The following SAXO4 variants were observed in gnomAD, a reference collection of about 807,000 sequenced individuals.
SAXO4 encodes the protein stabilizer of axonemal microtubules 4, also known as protein phosphatase 1 regulatory subunit 32.
chr11:61,481,450 G>A, the SAXO4 span, among the ~76,000 whole-genome samples: 4 of 152,126 alleles, frequency 2.6e-5, no homozygotes, highest in African/African-American at 7.2e-5. Context: ...GTCAGGGGCC[G>A]AGTAGTCAAA....
chr11:61,485,281 A>T, the SAXO4 span: 2 of 1,523,552 alleles, frequency 1.3e-6, no homozygotes, highest in East Asian at 2.3e-5. Flanking sequence ...CCGCCGCCAC[A>T]CGCCTTCGGG....
the SAXO4 span, among the ~76,000 whole-genome samples, chr11:61,487,931 G>T: frequency 6.6e-6 from 1 of 152,170 alleles, no homozygotes; most frequent in Non-Finnish European, 1.5e-5. Flanking sequence ...CTGGGGCCAG[G>T]ACTGGGTGGG....
At chr11:61,486,672 T>C in the SAXO4 span, 57 of 1,485,234 alleles carry the variant, frequency 3.8e-5, no homozygotes, top group Non-Finnish European at 5.0e-5. Context: ...TGGGAAGAGG[T>C]GGCATTTGGG....
At chr11:61,482,442 G>A in the SAXO4 span, 1 of 1,607,046 alleles carries the variant, frequency 6.2e-7, no homozygotes, top group Non-Finnish European at 8.5e-7. Flanking sequence ...CGGTCTGTAT[G>A]GCCCCTTCCC....
the SAXO4 span, among the ~76,000 whole-genome samples, chr11:61,486,181 CCT>C: frequency 1.3e-5 from 2 of 152,214 alleles, no homozygotes; most frequent in Non-Finnish European, 2.9e-5. Flanking sequence ...CATGCCTTCC[CCT>C]GTCTTCTCCC....
chr11:61,484,688 G>C, the SAXO4 span: 1 of 1,613,376 alleles, frequency 6.2e-7, no homozygotes, highest in African/African-American at 1.3e-5. Flanking sequence ...TTCCTCCCAG[G>C]TCCGGAAGGT....
the SAXO4 span, chr11:61,489,995 C>T: frequency 4.9e-5 from 75 of 1,542,142 alleles, no homozygotes; most frequent in Admixed American, 1.1e-3. Context: ...TCATCCAGGC[C>T]GTGTGCCAGG....
chr11:61,487,261 C>G, the SAXO4 span: 4 of 1,597,256 alleles, frequency 2.5e-6, no homozygotes, highest in Non-Finnish European at 3.4e-6. Flanking sequence ...CTTCCTGGTC[C>G]AAAGCTGAAA....
chr11:61,482,889 G>A, the SAXO4 span: 3 of 1,431,330 alleles, frequency 2.1e-6, no homozygotes, highest in South Asian at 4.3e-5. Flanking sequence ...GTTGGTCAAG[G>A]TGGAGGTGAC....
the SAXO4 span, among the ~76,000 whole-genome samples, chr11:61,483,164 C>CTTTTTTTTT: frequency 5.0e-5 from 6 of 119,348 alleles, no homozygotes; most frequent in Admixed American, 1.9e-4. Context: ...ATTTCTTTTT[C>CTTTTTTTTT]TTTTTTTTTT....
chr11:61,486,628 C>T, the SAXO4 span: 22 of 1,611,298 alleles, frequency 1.4e-5, no homozygotes, highest in Non-Finnish European at 1.8e-5. Context: ...GCCTTGGCGT[C>T]TTGCTCAGAG....
chr11:61,486,595 G>C, the SAXO4 span: 1 of 1,614,146 alleles, frequency 6.2e-7, no homozygotes, highest in South Asian at 1.1e-5. Context: ...GGAATGAAAG[G>C]ATTCTGAACC....
chr11:61,490,039 C>A, the SAXO4 span: 1 of 1,278,360 alleles, frequency 7.8e-7, no homozygotes, highest in Non-Finnish European at 1.1e-6. Flanking sequence ...GCTGTCAGTC[C>A]GGTTCATTCC....
At chr11:61,483,695 C>T in the SAXO4 span, among the ~76,000 whole-genome samples, 3 of 152,090 alleles carry the variant, frequency 2.0e-5, no homozygotes, top group Admixed American at 1.3e-4. Context: ...CGATGGCTCA[C>T]ACCTGTAATC....
At chr11:61,482,285 C>G in the SAXO4 span, 2 of 1,603,830 alleles carry the variant, frequency 1.2e-6, no homozygotes, top group Non-Finnish European at 1.7e-6. Context: ...ACCTTGGGGT[C>G]TGTCTCCCCG....
the SAXO4 span, chr11:61,486,815 G>A: frequency 1.1e-6 from 1 of 910,340 alleles, no homozygotes; most frequent in Non-Finnish European, 1.8e-6. Context: ...AGAATTGGCT[G>A]GAAGGGGAAG....
chr11:61,486,772 G>T, the SAXO4 span, among the ~76,000 whole-genome samples: 5 of 152,168 alleles, frequency 3.3e-5, no homozygotes, highest in Non-Finnish European at 7.3e-5. Flanking sequence ...GGGCCTTCCT[G>T]GGGGCTGGAA....
the SAXO4 span, chr11:61,482,351 C>T: frequency 6.2e-6 from 10 of 1,614,056 alleles, no homozygotes; most frequent in Non-Finnish European, 8.5e-6. Context: ...GTCACGTAGG[C>T]ACCGGCTACA....
At chr11:61,483,959 G>A in the SAXO4 span, among the ~76,000 whole-genome samples, 1 of 151,686 alleles carries the variant, frequency 6.6e-6, no homozygotes, top group African/African-American at 2.4e-5. Flanking sequence ...AATAAAGCCA[G>A]GCGTGGTGGC....
Sources: gnomAD v4.1 joint callset for allele counts (sites outside exome capture counted in the v4.1 genomes callset) on GRCh38, gnomAD v4.1.1 for gene constraint, MANE v1.5 for transcripts, NCBI Gene and HGNC (gene_info 2026-07-23, HGNC 2026-07-21) for gene names.